The following WDR73 variants were observed in gnomAD, a reference collection of about 807,000 sequenced individuals.
WDR73 encodes WD repeat domain 73.
A neutral mutation model predicts 38.2 loss-of-function variants in WDR73; 30 were observed. That is an observed-to-expected ratio of 0.79 (90% CI 0.59 to 1.06). The LOEUF is 1.06. Ranked by LOEUF, WDR73 falls within the 50% of genes least tolerant of loss-of-function variation. The pLI is 0.00. For synonymous variants in WDR73, 197 were observed against 176.0 expected, an observed-to-expected ratio of 1.12 and a Z score of -0.94; for missense variants, 487 against 467.0, an observed-to-expected ratio of 1.04 and a Z score of -0.40.
chr15:84,651,439 A>G (rs973262054), intron 3 of WDR73, among the ~76,000 whole-genome samples: 1 of 152,122 alleles, frequency 6.6e-6, no homozygotes, highest in African/African-American at 2.4e-5. Flanking sequence ...AACAAAAAGG[A>G]ATTCAGGAGC....
chr15:84,645,355 C>G, intron 7 of WDR73, 116 bp downstream of exon 7: 1 of 1,544,308 alleles, frequency 6.5e-7, no homozygotes, highest in Non-Finnish European at 8.7e-7. Flanking sequence ...TCTCTGTGAG[C>G]AACTTTAACT....
rs1304017541 is a variant in WDR73 at position 84,642,938 on chromosome 15, T to A, written c.*532A>T. On this transcript the variant is annotated 3_prime_UTR_variant, in exon 8 of 8. Coordinates refer to ENST00000434634, the MANE Select transcript of WDR73 (RefSeq NM_032856.5). ...CACTATGGGCCCTCAAAAGGAAATG[T>A]TTGTGGGGCCACCAAAAGCAAATGT... The A allele has an allele frequency of 6.4e-6, 1 of 157,408 alleles. No individual in the cohort carries two copies. Among genetic ancestry groups the A allele is most frequent in the African/African-American group, 2.4e-5 (1 of 41,424 alleles). The allele number at this position is 157,408 out of a possible 1,614,324, so 9.8% of individuals were successfully genotyped here. A position where few individuals can be genotyped will look rare whatever the true frequency, so the allele number is the denominator to read the frequency against.
At chr15:84,652,146 G>T (rs146069008) in intron 3 of WDR73, among the ~76,000 whole-genome samples, 4 of 152,174 alleles carry the variant, frequency 2.6e-5, no homozygotes, top group African/African-American at 9.7e-5. Context: ...GATTACAGGC[G>T]TAAGCCACTG....
At chr15:84,650,353 A>T (rs573833503) in intron 3 of WDR73, among the ~76,000 whole-genome samples, 2 of 92,434 alleles carry the variant, frequency 2.2e-5, no homozygotes, top group East Asian at 9.3e-4. Flanking sequence ...ACACCCGGCT[A>T]ATTTTCTTTT....
intron 1 of WDR73, chr15:84,653,980 G>A: frequency 1.7e-6 from 1 of 604,762 alleles, no homozygotes; most frequent in Non-Finnish European, 2.9e-6. Context: ...CTCAGAGGCT[G>A]GCGCAAACTA....
intron 2 of WDR73, 43 bp from the exon 3 acceptor site, chr15:84,652,845 G>T: frequency 8.0e-7 from 1 of 1,257,696 alleles, no homozygotes; most frequent in Non-Finnish European, 1.1e-6. Flanking sequence ...TTGTTAGAAA[G>T]ATTGCAGACC....
intron 1 of WDR73, 62 bp downstream of exon 1, chr15:84,654,172 C>T: frequency 1.9e-6 from 3 of 1,610,892 alleles, no homozygotes; most frequent in Non-Finnish European, 2.5e-6. Context: ...TCCACCCACA[C>T]CCATCCGCCC....
At chr15:84,651,651 C>G (rs1896628301) in intron 3 of WDR73, among the ~76,000 whole-genome samples, 1 of 152,184 alleles carries the variant, frequency 6.6e-6, no homozygotes, top group Non-Finnish European at 1.5e-5. Context: ...TTTCCCATAG[C>G]TTCTAACTCT....
intron 4 of WDR73, chr15:84,648,334 G>T: frequency 1.7e-6 from 1 of 589,584 alleles, no homozygotes; most frequent in Admixed American, 3.0e-5. Context: ...ATTAGTCCAA[G>T]GGCTCTGGGG....
At chr15:84,643,871 C>T in intron 7 of WDR73, 148 bp from the exon 8 acceptor site, 1 of 992,594 alleles carries the variant, frequency 1.0e-6, no homozygotes, top group Non-Finnish European at 1.4e-6. Context: ...CCCATCTCAG[C>T]CTCCCAAAAT....
rs561515492 is a variant in WDR73, at chr15:84,648,731, C to T, written c.199-106G>A. On this transcript the variant is annotated intron_variant, in intron 3 of 7. Coordinates refer to ENST00000434634, the MANE Select transcript of WDR73 (RefSeq NM_032856.5). ...CTAGCCTGGCAGGAGGCCATGGAAG[C>T]CACTCAGCTGGTGAAAGGGCGTTGG... is the stretch of plus-strand genomic sequence containing the variant. 4.6e-4 allele frequency: 393 copies of T among 862,768 alleles called. 1 individual carries two copies. The highest frequency in any genetic ancestry group is 5.6e-4 in the Non-Finnish European group (294 of 522,548). The allele number at this position is 862,768 out of a possible 1,614,324, so 53.4% of individuals were successfully genotyped here. A position where few individuals can be genotyped will look rare whatever the true frequency, so the allele number is the denominator to read the frequency against.
chr15:84,642,450 A>G lies in WDR73; in HGVS notation c.*1020T>C, dbSNP rs570630604. ...ATGGGAAGGGCTAATAGATGCTGACAGAGTGAACAACTTATCTATTTTGTG... is the reference window on the plus strand; with the variant it reads ...ATGGGAAGGGCTAATAGATGCTGACGGAGTGAACAACTTATCTATTTTGTG... On this transcript the variant is annotated 3_prime_UTR_variant, in exon 8 of 8. Coordinates refer to ENST00000434634, the MANE Select transcript of WDR73 (RefSeq NM_032856.5). 1 of 152,250 alleles carries G rather than the reference A, an allele frequency of 6.6e-6. No individual in the cohort carries two copies. The highest frequency in any genetic ancestry group is 2.1e-4 in the South Asian group (1 of 4,828). The allele number at this position is 152,250 out of a possible 1,614,324, so 9.4% of individuals were successfully genotyped here.
At position 84,642,203 on chromosome 15, in the gene WDR73, G is replaced by C. The variant is rs1896279173; in HGVS notation, c.*1267C>G. 6.6e-6 allele frequency: 1 copy of C among 152,134 alleles called. No individual in the cohort carries two copies. The highest frequency in any genetic ancestry group is 1.5e-5 in the Non-Finnish European group (1 of 68,082). 9.4% of individuals were successfully genotyped at this position (152,134 alleles called of 1,614,324 possible). On this transcript the variant is annotated 3_prime_UTR_variant, in exon 8 of 8. Transcript: ENST00000434634. ...AAAAATACAAAAATTACCTGGGCAT[G>C]GTGGTACGTGCCTGTAATCCCAGCT... is the stretch of plus-strand genomic sequence containing the variant.
rs768301508 is a variant in WDR73 at position 84,645,634 on chromosome 15, G to A, written c.720C>T (p.Ser240=). 39 of 1,608,514 alleles carry A rather than the reference G, an allele frequency of 2.4e-5. No homozygotes were observed. The highest frequency in any genetic ancestry group is 4.2e-6 in the Non-Finnish European group (5 of 1,177,684). ...GCCCATCTGAGCCAAGGCTGGCAAT[G>A]CTGGGCCCAGGGCCCTGGCCCCAGC... is the stretch of plus-strand genomic sequence containing the variant. ...VGSWGQGPGP[S]IASLGSDGRL... is the part of the protein sequence containing the mutation. Residue 240 remains serine, a synonymous_variant, in exon 7 of 8, where the codon AGC becomes AGT. Transcript: ENST00000434634.
intron 1 of WDR73, 130 bp downstream of exon 1, chr15:84,654,104 C>G: frequency 8.0e-7 from 1 of 1,243,292 alleles, no homozygotes; most frequent in East Asian, 2.3e-5. Context: ...GAGTCCTCCA[C>G]GGTGGCGAGC....
chr15:84,653,000 C>T (rs893788807), intron 2 of WDR73, 198 bp from the exon 3 acceptor site: 1 of 445,412 alleles, frequency 2.2e-6, no homozygotes, highest in Non-Finnish European at 4.1e-6. Context: ...CTCACTGCAG[C>T]CTCAACCTGC....
intron 2 of WDR73, chr15:84,653,415 C>T: frequency 2.2e-6 from 1 of 451,798 alleles, no homozygotes; most frequent in Non-Finnish European, 4.1e-6. Context: ...GGTGATCCGC[C>T]TGCCTCGGCC....
chr15:84,643,923 A>G (rs1896356870), intron 7 of WDR73, 200 bp from the exon 8 acceptor site: 3 of 572,144 alleles, frequency 5.2e-6, no homozygotes, highest in Non-Finnish European at 8.5e-6. Context: ...ACTTTTTATA[A>G]TTTGTTCTAT....
At position 84,647,902 on chromosome 15, in the gene WDR73, C is replaced by T. The variant is rs377178294; in HGVS notation, c.340G>A (p.Ala114Thr). 8 of 1,613,886 alleles carry T rather than the reference C, an allele frequency of 5.0e-6. No homozygotes were observed. Among genetic ancestry groups the T allele is most frequent in the Non-Finnish European group, 6.8e-6 (8 of 1,179,896 alleles). The stretch of plus-strand genomic sequence containing the variant: ...CAAATTCACTCACCACTGTCCTCTG[C>T]AACCTGCCACACCTGCAGATAACAA... ...PGCYLQVWQV[A>T]EDSDVIKAVS... Residue 114 changes from alanine (A) to threonine (T), a missense_variant, in exon 5 of 8, where the codon GCA becomes ACA. Transcript: ENST00000434634.
Sources: allele counts gnomAD v4.1 joint callset (sites outside exome capture counted in the v4.1 genomes callset), GRCh38; gene constraint gnomAD v4.1.1; transcripts MANE v1.5; gene names NCBI Gene and HGNC (gene_info 2026-07-23, HGNC 2026-07-21).